COBL: variants seen among roughly 807,000 people sequenced by gnomAD.
COBL encodes the protein cordon-bleu WH2 repeat protein.
A neutral mutation model predicts 98.8 loss-of-function variants in COBL; 51 were observed. The ratio of observed to expected loss-of-function variants is 0.52; its 90% CI spans 0.41 to 0.65. The LOEUF is 0.65. Among genes scored for constraint, COBL ranks in the 30% least tolerant of loss-of-function variants. COBL has a pLI of 0.00. For missense variants in COBL, 1,617 were observed against 1,617.5 expected, an observed-to-expected ratio of 1.00 and a Z score of 0.01; for synonymous variants, 634 against 651.7, an observed-to-expected ratio of 0.97 and a Z score of 0.41.
chr7:51,099,885 C>G (rs541806828), intron 6 of COBL, among the ~76,000 whole-genome samples: 1 of 152,258 alleles, frequency 6.6e-6, no homozygotes, highest in East Asian at 1.9e-4. Flanking sequence ...CTACTTATCA[C>G]TTTAGCCCAC....
At chr7:51,063,401 C>T (rs1791587046) in intron 7 of COBL, among the ~76,000 whole-genome samples, 1 of 152,240 alleles carries the variant, frequency 6.6e-6, no homozygotes, top group Non-Finnish European at 1.5e-5. Context: ...TCCCAAAGTG[C>T]TGGGATTACA....
intron 6 of COBL, among the ~76,000 whole-genome samples, chr7:51,110,465 G>A (rs1284292188): frequency 6.6e-6 from 1 of 152,190 alleles, no homozygotes; most frequent in African/African-American, 2.4e-5. Flanking sequence ...TAGCAGAATA[G>A]TACTCTATTG....
chr7:51,018,905 A>AAAAAAAAAATAT (rs1554345519), intron 12 of COBL, among the ~76,000 whole-genome samples: 1 of 34,446 alleles, frequency 2.9e-5, no homozygotes, highest in African/African-American at 1.3e-4. Context: ...AAAAAAAAAA[A>AAAAAAAAAATAT]ATATATATAT....
chr7:51,104,948 T>C (rs1468906378), intron 6 of COBL, among the ~76,000 whole-genome samples: 4 of 151,718 alleles, frequency 2.6e-5, no homozygotes, highest in East Asian at 1.9e-4. Context: ...GCGAACACAA[T>C]GTAGAGTGGG....
At chr7:51,228,511 T>G (rs150824673) in intron 1 of COBL, among the ~76,000 whole-genome samples, 64 of 152,204 alleles carry the variant, frequency 4.2e-4, no homozygotes, top group African/African-American at 1.5e-3. Context: ...CATAACTGCC[T>G]AAGAAATCCT....
intron 1 of COBL, among the ~76,000 whole-genome samples, chr7:51,274,152 C>T (rs1023929580): frequency 1.3e-5 from 2 of 152,170 alleles, no homozygotes; most frequent in Non-Finnish European, 2.9e-5. Flanking sequence ...AGCTGTGCAT[C>T]GCATGGGCCG....
At chr7:51,189,080 T>C (rs1388485525) in intron 4 of COBL, among the ~76,000 whole-genome samples, 1 of 152,208 alleles carries the variant, frequency 6.6e-6, no homozygotes, top group Non-Finnish European at 1.5e-5. Context: ...TTTGCAGCAA[T>C]ACTGAGACTA....
intron 7 of COBL, among the ~76,000 whole-genome samples, chr7:51,066,706 G>T (rs112541608): frequency 1.7e-4 from 26 of 152,224 alleles, no homozygotes; most frequent in Middle Eastern, 3.4e-3. Flanking sequence ...CGCTGGCAGC[G>T]AATCTATGAA....
intron 1 of COBL, among the ~76,000 whole-genome samples, chr7:51,286,315 A>C (rs1800355331): frequency 6.6e-6 from 1 of 151,514 alleles, no homozygotes; most frequent in African/African-American, 2.4e-5. Flanking sequence ...AAGAATAAAA[A>C]CACAAGATAC....
In COBL at chr7:51,040,951, G is replaced by C. The variant is rs541331742; in HGVS notation, c.1406+2432C>G. ...AGCATCCCGCGGGGTGCAGAGTAAC[G>C]CATGTCTGATTAGTTTCAGATGTGG... On this transcript the variant is annotated intron_variant, in intron 8 of 12. Transcript: ENST00000265136. Among the ~76,000 whole-genome samples the C allele has an allele frequency of 2.2e-4, 34 of 152,326 alleles. 1 individual carries two copies. The South Asian group carries it at 7.0e-3, about 32-fold the overall frequency.
chr7:51,277,931 G>C (rs1157140910), intron 1 of COBL, among the ~76,000 whole-genome samples: 1 of 152,136 alleles, frequency 6.6e-6, no homozygotes, highest in Non-Finnish European at 1.5e-5. Context: ...AAGTAAGAGA[G>C]GACATATCTG....
At chr7:51,045,081 A>C (rs1432581517) in intron 7 of COBL, among the ~76,000 whole-genome samples, 1 of 152,082 alleles carries the variant, frequency 6.6e-6, no homozygotes, top group East Asian at 1.9e-4. Context: ...TTGGGGCTAG[A>C]CTCTTGTTCA....
At chr7:51,188,383 T>C (rs73697826) in intron 4 of COBL, among the ~76,000 whole-genome samples, 56 of 152,318 alleles carry the variant, frequency 3.7e-4, no homozygotes, top group African/African-American at 1.3e-3. Context: ...CCAGGGCGGT[T>C]GTAGGGGAGA....
chr7:51,204,860 T>C (rs1791520677), intron 2 of COBL, among the ~76,000 whole-genome samples: 1 of 152,218 alleles, frequency 6.6e-6, no homozygotes, highest in South Asian at 2.1e-4. Flanking sequence ...AAAAAATCAG[T>C]GGCATTTCTA....
At chr7:51,314,876 A>G (rs936821092) in intron 1 of COBL, among the ~76,000 whole-genome samples, 1 of 152,186 alleles carries the variant, frequency 6.6e-6, no homozygotes, top group African/African-American at 2.4e-5. Flanking sequence ...AAGCCCTGAG[A>G]AGGCCAGCCC....
intron 3 of COBL, 57 bp downstream of exon 3, chr7:51,193,322 T>C: frequency 2.0e-6 from 3 of 1,498,756 alleles, no homozygotes; most frequent in East Asian, 4.5e-5. Context: ...CACTGGCCCC[T>C]ACTCAGGACC....
intron 2 of COBL, among the ~76,000 whole-genome samples, chr7:51,195,304 T>G (rs1790489208): frequency 6.6e-6 from 1 of 152,218 alleles, no homozygotes; most frequent in African/African-American, 2.4e-5. Context: ...TTTGTCAGCT[T>G]CATCAAAGAT....
At chr7:51,316,191 G>A (rs1803563986) in intron 1 of COBL, among the ~76,000 whole-genome samples, 2 of 152,172 alleles carry the variant, frequency 1.3e-5, no homozygotes, top group Non-Finnish European at 2.9e-5. Flanking sequence ...AGCCCGCAGG[G>A]AAGAGGCCGG....
chr7:51,055,721 C>A (rs998618260), intron 7 of COBL, among the ~76,000 whole-genome samples: 1 of 152,194 alleles, frequency 6.6e-6, no homozygotes, highest in Non-Finnish European at 1.5e-5. Context: ...CGTACCTCCC[C>A]CAGAGTTCCT....
Sources: gnomAD v4.1 joint callset for allele counts (sites outside exome capture counted in the v4.1 genomes callset) on GRCh38, gnomAD v4.1.1 for gene constraint, MANE v1.5 for transcripts, NCBI Gene and HGNC (gene_info 2026-07-23, HGNC 2026-07-21) for gene names.